Variants in GABRA2 observed in about 807,000 individuals in gnomAD.
GABRA2 encodes the protein gamma-aminobutyric acid type A receptor subunit alpha2.
In GABRA2, 16 loss-of-function variants were observed where a neutral mutation model predicts 48.7. The ratio of observed to expected loss-of-function variants is 0.33; its 90% CI spans 0.22 to 0.50. The LOEUF (loss-of-function observed/expected upper bound fraction) is 0.50. GABRA2 is among the 20% of genes least tolerant of loss of function. The pLI is 0.98. For synonymous variants in GABRA2, 185 were observed against 184.5 expected (o/e 1.00, Z -0.02); for missense variants, 275 against 535.6 (o/e 0.51, Z 4.80).
intron 8 of GABRA2, among the ~76,000 whole-genome samples, chr4:46,278,911 T>C (rs1373139737): frequency 6.6e-6 from 1 of 152,004 alleles, no homozygotes; most frequent in East Asian, 1.9e-4. Context: ...AAAAGAGTAA[T>C]GGTATCAATA....
intron 3 of GABRA2, chr4:46,368,324 G>A (rs1234247524): frequency 6.6e-6 from 1 of 152,074 alleles, no homozygotes; most frequent in Non-Finnish European, 1.5e-5. Flanking sequence ...AGGTTTTGAG[G>A]AAAATGCTAG....
chr4:46,252,314 A>G (rs1042995049), intron 9 of GABRA2, among the ~76,000 whole-genome samples: 3 of 151,554 alleles, frequency 2.0e-5, no homozygotes, highest in Non-Finnish European at 4.4e-5. Flanking sequence ...TGATGCATAT[A>G]GTTCCCATGT....
chr4:46,346,985 A>G (rs1364325941), intron 3 of GABRA2, among the ~76,000 whole-genome samples: 1 of 151,944 alleles, frequency 6.6e-6, no homozygotes, highest in Non-Finnish European at 1.5e-5. Context: ...CTAACAATGA[A>G]CAATCTGAGT....
intron 8 of GABRA2, among the ~76,000 whole-genome samples, chr4:46,294,285 A>T (rs1396143765): frequency 2.0e-5 from 3 of 152,256 alleles, no homozygotes; most frequent in Non-Finnish European, 2.9e-5. Flanking sequence ...CCAGAGGATG[A>T]AAAATAAATC....
intron 3 of GABRA2, among the ~76,000 whole-genome samples, chr4:46,372,198 C>CCT (rs1315732830): frequency 6.6e-6 from 1 of 152,138 alleles, no homozygotes; most frequent in East Asian, 1.9e-4. Flanking sequence ...TCAAATACAT[C>CCT]CTCCTCCTTT....
At chr4:46,276,399 T>C (rs1235344791) in intron 8 of GABRA2, among the ~76,000 whole-genome samples, 1 of 152,128 alleles carries the variant, frequency 6.6e-6, no homozygotes, top group African/African-American at 2.4e-5. Flanking sequence ...AGATTAGTTG[T>C]TGTAGTATCA....
chr4:46,293,650 G>A (rs7669344), intron 8 of GABRA2, among the ~76,000 whole-genome samples: 12,688 of 152,226 alleles, frequency 0.083, 1,731 homozygotes, highest in African/African-American at 0.29. Context: ...GGCAGAACCC[G>A]CACATTGGCT....
At chr4:46,330,920 A>G (rs1282777609) in intron 4 of GABRA2, among the ~76,000 whole-genome samples, 1 of 152,084 alleles carries the variant, frequency 6.6e-6, no homozygotes, top group African/African-American at 2.4e-5. Context: ...AACATTTAAG[A>G]CAAGCTACAC....
chr4:46,365,413 C>A (rs1713885424), intron 3 of GABRA2: 1 of 152,070 alleles, frequency 6.6e-6, no homozygotes, highest in South Asian at 2.1e-4. Context: ...ACTCCATGAA[C>A]TCTCTTAGTA....
chr4:46,341,151 A>G (rs1733154569), intron 3 of GABRA2, among the ~76,000 whole-genome samples: 1 of 151,798 alleles, frequency 6.6e-6, no homozygotes, highest in African/African-American at 2.4e-5. Context: ...TCCTTTTATT[A>G]TTTAGACATT....
chr4:46,286,705 T>C (rs1187450588), intron 8 of GABRA2, among the ~76,000 whole-genome samples: 4 of 152,174 alleles, frequency 2.6e-5, no homozygotes, highest in South Asian at 2.1e-4. Flanking sequence ...ACCAGTAGTA[T>C]TGTACATAAT....
intron 3 of GABRA2, among the ~76,000 whole-genome samples, chr4:46,351,870 C>T (rs1735178200): frequency 6.6e-6 from 1 of 151,770 alleles, no homozygotes; most frequent in Admixed American, 6.6e-5. Context: ...AATAGTTGAT[C>T]GTTTTTTTCC....
chr4:46,387,755 C>T (rs1717665533), intron 2 of GABRA2, among the ~76,000 whole-genome samples: 2 of 151,972 alleles, frequency 1.3e-5, no homozygotes, highest in Non-Finnish European at 2.9e-5. Flanking sequence ...ATACTTTGAC[C>T]ATTACTTGGA....
intron 3 of GABRA2, among the ~76,000 whole-genome samples, chr4:46,349,471 AC>A (rs1248387275): frequency 6.6e-6 from 1 of 152,050 alleles, no homozygotes; most frequent in Non-Finnish European, 1.5e-5. Context: ...TTGCTGAATT[AC>A]ATTAATCATA....
intron 3 of GABRA2, among the ~76,000 whole-genome samples, chr4:46,372,023 C>G (rs1336339453): frequency 6.6e-6 from 1 of 152,084 alleles, no homozygotes; most frequent in Non-Finnish European, 1.5e-5. Flanking sequence ...GCATCTTGAG[C>G]CCAACATAAA....
chr4:46,310,117 G>T (rs529573272), intron 6 of GABRA2, 56 bp downstream of exon 6: 51 of 1,284,500 alleles, frequency 4.0e-5, no homozygotes, highest in Middle Eastern at 1.9e-4. Context: ...GAGCAGTGCT[G>T]CTGACTTTCC....
rs560142153 is a variant in GABRA2, at chr4:46,291,776, C to CATATATATATATATATAT, written c.856+11683_856+11684insATATATATATATATATAT. The stretch of plus-strand genomic sequence containing the variant: ...AGTTAATACTATTAATAAACACACA[C>CATATATATATATATATAT]ATATATATATATATACATATACATA... On this transcript the variant is annotated intron_variant, in intron 8 of 9. Transcript: ENST00000381620. 3.3e-3 allele frequency among the ~76,000 whole-genome samples: 483 copies of CATATATATATATATATAT among 144,698 alleles called. 2 individuals carry two copies. Among genetic ancestry groups the CATATATATATATATATAT allele is most frequent in the Non-Finnish European group, 5.6e-3 (369 of 66,408 alleles). 94.9% of individuals were successfully genotyped at this position (144,698 alleles called of 152,430 possible).
At chr4:46,323,336 C>T (rs979456703) in intron 4 of GABRA2, among the ~76,000 whole-genome samples, 19 of 151,932 alleles carry the variant, frequency 1.3e-4, no homozygotes, top group African/African-American at 4.3e-4. Flanking sequence ...CAAGCTCTTC[C>T]AATTCGTGCT....
rs1037270092 is a variant in GABRA2 at position 46,245,710 on chromosome 4, G to A, written c.*4598C>T. Among the ~76,000 whole-genome samples the A allele has an allele frequency of 1.3e-5, 2 of 150,858 alleles. No homozygotes were observed. Among genetic ancestry groups the A allele is most frequent in the South Asian group, 2.1e-4 (1 of 4,810 alleles). On this transcript the variant is annotated 3_prime_UTR_variant, in exon 10 of 10. Transcript: ENST00000381620. ...CTAGGAATTACACACATACACACTC[G>A]CAAACATACACACATCACTGACACA...
Sources: gnomAD v4.1 joint callset for allele counts (sites outside exome capture counted in the v4.1 genomes callset) on GRCh38, gnomAD v4.1.1 for gene constraint, MANE v1.5 for transcripts, NCBI Gene and HGNC (gene_info 2026-07-23, HGNC 2026-07-21) for gene names.